RNF216: variants seen among roughly 807,000 people sequenced by gnomAD.
RNF216 encodes ring finger protein 216, also known as E3 ubiquitin-protein ligase RNF216.
Under a neutral mutation model 110.8 loss-of-function variants are expected in RNF216, and 72 were observed. The ratio of observed to expected loss-of-function variants is 0.65; its 90% CI spans 0.54 to 0.79. The LOEUF (loss-of-function observed/expected upper bound fraction) is 0.79, where lower values mean the gene tolerates loss of function less well. Ranked by LOEUF, RNF216 falls within the 30% of genes least tolerant of loss-of-function variation. The pLI is 0.00. For missense variants in RNF216, 1,342 were observed against 1,141.2 expected (o/e 1.18, Z -2.54); for synonymous variants, 495 against 407.5 (o/e 1.21, Z -2.59).
intron 1 of RNF216, among the ~76,000 whole-genome samples, chr7:5,776,831 G>C (rs1796805836): frequency 2.1e-5 from 3 of 145,416 alleles, no homozygotes; most frequent in African/African-American, 7.6e-5. Flanking sequence ...AACCTGGGAG[G>C]AGGAGGTTGC....
chr7:5,780,684 A>G (rs1797032593), intron 1 of RNF216, among the ~76,000 whole-genome samples: 2 of 152,042 alleles, frequency 1.3e-5, no homozygotes, highest in African/African-American at 4.8e-5. Context: ...CAGCCTGGGC[A>G]ACAGAGCAAG....
At chr7:5,739,230 T>TACCACC (rs746317006) in intron 5 of RNF216, 46 bp downstream of exon 5, 1 of 1,483,776 alleles carries the variant, frequency 6.7e-7, no homozygotes, top group Non-Finnish European at 8.9e-7. Flanking sequence ...ACATATATTT[T>TACCACC]ACCACCACCA....
chr7:5,707,282 A>AT (rs1478192957), intron 13 of RNF216, among the ~76,000 whole-genome samples: 1 of 152,046 alleles, frequency 6.6e-6, no homozygotes, highest in Non-Finnish European at 1.5e-5. Flanking sequence ...ATGTCTTTCC[A>AT]TTTATTTATG....
intron 2 of RNF216, among the ~76,000 whole-genome samples, chr7:5,756,162 C>T (rs1445519174): frequency 6.6e-6 from 1 of 152,100 alleles, no homozygotes; most frequent in Non-Finnish European, 1.5e-5. Context: ...CTGGCATTTC[C>T]CCTGCTTGCA....
At chr7:5,651,482 T>G (rs1410306545) in intron 14 of RNF216, among the ~76,000 whole-genome samples, 1 of 152,128 alleles carries the variant, frequency 6.6e-6, no homozygotes, top group South Asian at 2.1e-4. Context: ...TCTACCTGCC[T>G]TAGCCTCCCA....
intron 6 of RNF216, among the ~76,000 whole-genome samples, chr7:5,730,099 T>C (rs1794000985): frequency 6.6e-6 from 1 of 152,246 alleles, no homozygotes; most frequent in Non-Finnish European, 1.5e-5. Context: ...ATGTATAGTA[T>C]ACGCTGTATA....
At chr7:5,630,947 A>T (rs2128559281) in intron 15 of RNF216, among the ~76,000 whole-genome samples, 1 of 152,242 alleles carries the variant, frequency 6.6e-6, no homozygotes, top group South Asian at 2.1e-4. Context: ...TCTGAATCGG[A>T]ACTTCTGGCA....
rs1319783425 is a variant in RNF216 at position 5,624,440 on chromosome 7, T to C, written c.2383-315A>G. On this transcript the variant is annotated intron_variant, in intron 15 of 16. Transcript: ENST00000389902. This position sits in a 1 kb window ranked among gnomAD's most constrained non-coding sequence, Gnocchi z 4.4. The stretch of plus-strand genomic sequence containing the variant: ...CTGAGCTGCGTGCAAGTGGTGGATA[T>C]GAGAAGGGTTTGGAGAGGGCTGGGT... 1.3e-5 allele frequency among the ~76,000 whole-genome samples: 2 copies of C among 152,118 alleles called. No individual in the cohort carries two copies. The highest frequency in any genetic ancestry group is 6.5e-5 in the Admixed American group (1 of 15,284).
intron 13 of RNF216, among the ~76,000 whole-genome samples, chr7:5,660,638 C>G (rs943951588): frequency 6.6e-6 from 1 of 151,700 alleles, no homozygotes; most frequent in Admixed American, 6.6e-5. Flanking sequence ...AGTGTAGTGG[C>G]ACAATCTTGG....
At chr7:5,667,522 C>A (rs1789608475) in intron 13 of RNF216, among the ~76,000 whole-genome samples, 1 of 152,222 alleles carries the variant, frequency 6.6e-6, no homozygotes, top group African/African-American at 2.4e-5. Flanking sequence ...CCCCAGCCTT[C>A]TCCATCCTGC....
At chr7:5,707,365 G>A (rs1390405722) in intron 13 of RNF216, among the ~76,000 whole-genome samples, 1 of 152,058 alleles carries the variant, frequency 6.6e-6, no homozygotes, top group Non-Finnish European at 1.5e-5. Context: ...TGGTTAAGTT[G>A]TTCCTAAGTA....
chr7:5,637,918 T>C (rs1017159387), intron 15 of RNF216, among the ~76,000 whole-genome samples: 1 of 152,246 alleles, frequency 6.6e-6, no homozygotes, highest in Non-Finnish European at 1.5e-5. Flanking sequence ...CGATCTTGGC[T>C]CACTGCAATC....
chr7:5,671,805 CAAAAAAAAAAAA>C (rs11319565), intron 13 of RNF216, among the ~76,000 whole-genome samples: 2 of 54,242 alleles, frequency 3.7e-5, no homozygotes, highest in Non-Finnish European at 6.6e-5. Context: ...AACTCCGTCT[CAAAAAAAAAAAA>C]AAAAAAAAAA....
chr7:5,779,058 C>G (rs1796932654), intron 1 of RNF216, among the ~76,000 whole-genome samples: 1 of 152,212 alleles, frequency 6.6e-6, no homozygotes. Flanking sequence ...GTTCTATTAT[C>G]TTTAACAATA....
At chr7:5,781,475 CAGAG>C (rs1318437494) in intron 1 of RNF216, 62 bp downstream of exon 1, 2 of 151,564 alleles carry the variant, frequency 1.3e-5, no homozygotes, top group Non-Finnish European at 3.0e-5. Context: ...AGGCGCCCCT[CAGAG>C]AGGCCGCGTC....
At chr7:5,634,882 G>T (rs913303529) in intron 15 of RNF216, among the ~76,000 whole-genome samples, 34 of 152,152 alleles carry the variant, frequency 2.2e-4, no homozygotes, top group African/African-American at 7.7e-4. Flanking sequence ...GACACTGCTG[G>T]GGTAGCAAAA....
intron 14 of RNF216, among the ~76,000 whole-genome samples, chr7:5,644,570 A>G (rs852466): frequency 0.03 from 4,573 of 151,988 alleles, 115 homozygotes; most frequent in African/African-American, 0.061. Flanking sequence ...CAGTAGTGTA[A>G]TATCAGCTCA....
intron 16 of RNF216, among the ~76,000 whole-genome samples, chr7:5,623,483 A>G (rs1406030075): frequency 6.7e-6 from 1 of 149,014 alleles, no homozygotes; most frequent in Non-Finnish European, 1.5e-5. Context: ...TTTTTTTTTA[A>G]TAGATGGGGT....
chr7:5,675,744 T>C (rs1390259450), intron 13 of RNF216, among the ~76,000 whole-genome samples: 9 of 142,244 alleles, frequency 6.3e-5, no homozygotes, highest in East Asian at 4.1e-4. Context: ...AGTTTCGCTC[T>C]TGTTGCCCAG....
Sources: gnomAD v4.1 joint callset for allele counts (sites outside exome capture counted in the v4.1 genomes callset) on GRCh38, gnomAD v4.1.1 for gene constraint, Gnocchi (gnomAD v3.1) non-coding constraint, MANE v1.5 for transcripts, NCBI Gene and HGNC (gene_info 2026-07-23, HGNC 2026-07-21) for gene names.